Variants in OPCML observed in about 807,000 individuals in gnomAD.
OPCML encodes the protein opioid binding protein/cell adhesion molecule like, also known as opioid-binding protein/cell adhesion molecule.
In OPCML, 13 loss-of-function variants were observed where a neutral mutation model predicts 37.8. The ratio of observed to expected loss-of-function variants is 0.34; its 90% CI spans 0.22 to 0.55. OPCML has a LOEUF of 0.55. Ranked by LOEUF, OPCML falls within the 20% of genes least tolerant of loss-of-function variation. The pLI is 0.91. For missense variants in OPCML, 341 were observed against 435.6 expected (o/e 0.78, Z 1.93); for synonymous variants, 176 against 168.8 (o/e 1.04, Z -0.33).
chr11:133,514,131 C>T (rs1027561187), intron 1 of OPCML, among the ~76,000 whole-genome samples: 16 of 152,188 alleles, frequency 1.1e-4, no homozygotes, highest in Admixed American at 1.3e-4. Flanking sequence ...TGGTTCACAT[C>T]GCCTGGCATC....
At chr11:132,580,969 G>C (rs767226490) in intron 3 of OPCML, among the ~76,000 whole-genome samples, 2 of 152,044 alleles carry the variant, frequency 1.3e-5, no homozygotes, top group Non-Finnish European at 2.9e-5. Context: ...AGCAGCTTGG[G>C]GTCTGGGGGA....
rs146884079 is a variant in OPCML, at chr11:132,446,072, A to G, written c.506-8713T>C. On this transcript the variant is annotated intron_variant, in intron 4 of 7. Transcript: ENST00000524381. ...GAGGCTTCTTTCCAAAGCACAGTGA[A>G]GAGGTGTGTTTAGCTTGGCTCTGCT... Among the ~76,000 whole-genome samples, 180 of 144,790 alleles carry G rather than the reference A, an allele frequency of 1.2e-3. 2 individuals are homozygous for G. Among genetic ancestry groups the G allele is most frequent in the African/African-American group, 4.3e-3 (167 of 38,660 alleles). The allele number at this position is 144,790 out of a possible 152,430, so 95.0% of individuals were successfully genotyped here.
intron 1 of OPCML, among the ~76,000 whole-genome samples, chr11:133,498,764 C>A (rs996843084): frequency 5.3e-5 from 8 of 152,084 alleles, no homozygotes; most frequent in Non-Finnish European, 1.2e-4. Context: ...AGGAGAACTG[C>A]AAAAAGGATT....
At chr11:133,224,057 T>A (rs989382906) in intron 1 of OPCML, among the ~76,000 whole-genome samples, 3 of 152,144 alleles carry the variant, frequency 2.0e-5, no homozygotes, top group African/African-American at 7.2e-5. Context: ...ATGGACTCAT[T>A]TGCAAGAACT....
chr11:132,422,963 T>G (rs1044287042), intron 7 of OPCML, among the ~76,000 whole-genome samples: 1 of 152,234 alleles, frequency 6.6e-6, no homozygotes, highest in Admixed American at 6.5e-5. Flanking sequence ...CTTCTCGCAT[T>G]GCAAATTGAG....
chr11:133,094,172 T>C (rs1272724717), intron 1 of OPCML, among the ~76,000 whole-genome samples: 1 of 152,210 alleles, frequency 6.6e-6, no homozygotes, highest in African/African-American at 2.4e-5. Flanking sequence ...AGAGTAGCTG[T>C]TAATTACTTT....
rs900593503 is a variant in OPCML at position 132,751,462 on chromosome 11, A to C, written c.147-94143T>G. 4.6e-5 allele frequency among the ~76,000 whole-genome samples: 7 copies of C among 152,216 alleles called. No individual in the cohort carries two copies. The East Asian group carries it at 1.3e-3, about 29-fold the overall frequency. On this transcript the variant is annotated intron_variant, in intron 2 of 7. Transcript: ENST00000524381. ...CAAACCTTGAGGAGATTTCAGTCAA[A>C]TACTAAATTCATTGTCTTTGTACTG...
chr11:133,375,495 C>G (rs1023933282), intron 1 of OPCML, among the ~76,000 whole-genome samples: 7 of 152,170 alleles, frequency 4.6e-5, no homozygotes, highest in Admixed American at 1.3e-4. Flanking sequence ...GGGGCTACTT[C>G]TAGTAATGAC....
At chr11:133,315,896 T>A (rs1338860507) in intron 1 of OPCML, among the ~76,000 whole-genome samples, 1 of 152,182 alleles carries the variant, frequency 6.6e-6, no homozygotes, top group African/African-American at 2.4e-5. Flanking sequence ...ATTCGACAAA[T>A]GTTGTGAGTT....
At chr11:133,220,834 C>T (rs1436668104) in intron 1 of OPCML, among the ~76,000 whole-genome samples, 2 of 152,078 alleles carry the variant, frequency 1.3e-5, no homozygotes, top group African/African-American at 2.4e-5. Flanking sequence ...CGATCTATAG[C>T]CCCCGGCTTC....
At chr11:132,697,167 ATATTTAAGATGCAC>A (rs1943629362) in intron 2 of OPCML, among the ~76,000 whole-genome samples, 1 of 152,222 alleles carries the variant, frequency 6.6e-6, no homozygotes, top group African/African-American at 2.4e-5. Context: ...AAAATTGTGC[ATATTTAAGATGCAC>A]AACATGATGT....
intron 1 of OPCML, among the ~76,000 whole-genome samples, chr11:133,088,029 G>A (rs536616937): frequency 1.3e-5 from 2 of 152,264 alleles, no homozygotes; most frequent in African/African-American, 4.8e-5. Context: ...GTAATAAGAA[G>A]GTAAGGGTGA....
chr11:132,748,109 G>A (rs1367003296), intron 2 of OPCML, among the ~76,000 whole-genome samples: 1 of 150,376 alleles, frequency 6.6e-6, no homozygotes, highest in East Asian at 1.9e-4. Flanking sequence ...GCAAAAGTGA[G>A]CCTGAGATTA....
intron 2 of OPCML, among the ~76,000 whole-genome samples, chr11:132,819,859 G>A (rs1939869800): frequency 6.6e-6 from 1 of 152,152 alleles, no homozygotes; most frequent in South Asian, 2.1e-4. Flanking sequence ...ATGTTTGTAA[G>A]TGGAGGCTGC....
At chr11:133,264,206 A>G (rs923152509) in intron 1 of OPCML, among the ~76,000 whole-genome samples, 1 of 152,296 alleles carries the variant, frequency 6.6e-6, no homozygotes, top group Admixed American at 6.5e-5. Flanking sequence ...AAGGCAAGTT[A>G]ATACCTGAAG....
chr11:132,708,992 G>C (rs888412506), intron 2 of OPCML, among the ~76,000 whole-genome samples: 1 of 152,120 alleles, frequency 6.6e-6, no homozygotes, highest in Admixed American at 6.5e-5. Flanking sequence ...GGGTCACGGA[G>C]TTTCACTTTC....
At chr11:132,478,077 A>C (rs763509002) in intron 4 of OPCML, among the ~76,000 whole-genome samples, 1 of 152,218 alleles carries the variant, frequency 6.6e-6, no homozygotes, top group Non-Finnish European at 1.5e-5. Context: ...GCAAGTTTGC[A>C]GAATATACTC....
intron 3 of OPCML, among the ~76,000 whole-genome samples, chr11:132,572,123 T>G (rs1565675321): frequency 6.6e-6 from 1 of 151,824 alleles, no homozygotes; most frequent in African/African-American, 2.4e-5. Context: ...TTTTTTTTTT[T>G]GGTATTGAGT....
chr11:133,384,247 C>CAAA (rs1186998875), intron 1 of OPCML, among the ~76,000 whole-genome samples: 2,742 of 71,020 alleles, frequency 0.039, 103 homozygotes, highest in African/African-American at 0.099. Flanking sequence ...GGCCACTGTG[C>CAAA]AAAAAAAAAA....
Sources: allele counts gnomAD v4.1 joint callset (sites outside exome capture counted in the v4.1 genomes callset), GRCh38; gene constraint gnomAD v4.1.1; transcripts MANE v1.5; gene names NCBI Gene and HGNC (gene_info 2026-07-23, HGNC 2026-07-21).